Variants in HIVEP1 observed in about 807,000 individuals in gnomAD.
HIVEP1 encodes the protein HIVEP zinc finger 1.
Under a neutral mutation model 180.0 loss-of-function variants are expected in HIVEP1, and 36 were observed. The ratio of observed to expected loss-of-function variants is 0.20; its 90% CI spans 0.15 to 0.26. The LOEUF (loss-of-function observed/expected upper bound fraction) is 0.26. Among genes scored for constraint, HIVEP1 ranks in the 10% least tolerant of loss-of-function variants. The probability of loss-of-function intolerance (pLI) is 1.00; values close to 1 mark genes in which losing one functional copy is unlikely to be tolerated. For synonymous variants in HIVEP1, 1,239 were observed against 1,239.0 expected (o/e 1.00, Z 0.00); for missense variants, 3,143 against 3,268.7 (o/e 0.96, Z 0.94).
At chr6:12,115,538 G>A (rs1054979552) in intron 3 of HIVEP1, among the ~76,000 whole-genome samples, 2 of 151,794 alleles carry the variant, frequency 1.3e-5, no homozygotes, top group Admixed American at 6.6e-5. Context: ...ATATGAAGTC[G>A]TGTTTGGATT....
chr6:12,128,644 C>T lies in HIVEP1; in HGVS notation c.6076-1115C>T, dbSNP rs150666137. On this transcript the variant is annotated intron_variant, in intron 4 of 8. Transcript: ENST00000379388. ...TATATAGTCCACCTGTGCTGCCTGC[C>T]TCACAGGGACCTGAGAGAATGGAAT... Among the ~76,000 whole-genome samples the T allele has an allele frequency of 7.6e-3, 1,154 of 152,184 alleles. 12 individuals carry two copies. Among genetic ancestry groups the T allele is most frequent in the Non-Finnish European group, 0.012 (812 of 68,008 alleles).
intron 2 of HIVEP1, among the ~76,000 whole-genome samples, chr6:12,082,407 T>C (rs537710294): frequency 5.3e-5 from 8 of 152,290 alleles, no homozygotes; most frequent in Admixed American, 1.3e-4. Flanking sequence ...TGAAAAGCAC[T>C]CTGATAGGTA....
intron 2 of HIVEP1, among the ~76,000 whole-genome samples, chr6:12,074,257 A>T (rs79373093): frequency 0.15 from 22,801 of 152,118 alleles, 2,256 homozygotes; most frequent in Non-Finnish European, 0.22. Flanking sequence ...GATACCAGTG[A>T]TTTTTTCTTT....
chr6:12,039,045 G>A (rs377691985), intron 2 of HIVEP1: 1 of 152,234 alleles, frequency 6.6e-6, no homozygotes, highest in East Asian at 1.9e-4. Context: ...TCATGAACTA[G>A]CTATGTCCTT....
chr6:12,171,816 CAT>C, the HIVEP1 span, among the ~76,000 whole-genome samples: 1 of 152,110 alleles, frequency 6.6e-6, no homozygotes, highest in African/African-American at 2.4e-5. Context: ...TATGGAAGAA[CAT>C]AGTGATTTCT....
chr6:12,028,968 T>G (rs548977039), intron 2 of HIVEP1, among the ~76,000 whole-genome samples: 1 of 152,378 alleles, frequency 6.6e-6, no homozygotes, highest in Admixed American at 6.5e-5. Flanking sequence ...TATATAGTTT[T>G]TACATGTAGC....
chr6:12,203,574 G>A, the HIVEP1 span, among the ~76,000 whole-genome samples: 1 of 152,154 alleles, frequency 6.6e-6, no homozygotes, highest in African/African-American at 2.4e-5. Context: ...TCCCTGGCAA[G>A]CTATTGTTTT....
Position 12,123,624 on chromosome 6 carries a change from C to G in HIVEP1, c.3829C>G (p.Leu1277Val), listed in dbSNP as rs1233426937. 1 of 1,614,150 alleles carries G rather than the reference C, an allele frequency of 6.2e-7. No individual in the cohort carries two copies. The highest frequency in any genetic ancestry group is 1.1e-5 in the South Asian group (1 of 91,090). ...ETLSKLPTEK[L>V]PPKKKRLRLA... ...CTTGTCAAAATTGCCAACAGAGAAA[C>G]TGCCACCCAAAAAGAAAAGGCTCCG... is the stretch of plus-strand genomic sequence containing the variant. Residue 1277 changes from leucine (L) to valine (V), a missense_variant, in exon 4 of 9, where the codon CTG (leucine) becomes GTG (valine). Around this residue, in one of 12 missense-constraint regions of HIVEP1, gnomAD observed 1,357 missense variants for 1,260.5 expected, o/e 1.08. Coordinates refer to ENST00000379388, the MANE Select transcript of HIVEP1 (RefSeq NM_002114.4).
intron 3 of HIVEP1, among the ~76,000 whole-genome samples, chr6:12,102,082 G>C (rs1398887109): frequency 6.6e-6 from 1 of 152,078 alleles, no homozygotes; most frequent in Non-Finnish European, 1.5e-5. Flanking sequence ...CCTGATAATA[G>C]AGCCTTAAAA....
At chr6:12,010,607 ATT>A (rs113704481), upstream of HIVEP1, among the ~76,000 whole-genome samples, 13 of 145,464 alleles carry the variant, frequency 8.9e-5, no homozygotes, top group South Asian at 2.2e-4. Context: ...TTCATCAGGG[ATT>A]TTTTTTTTTT....
chr6:12,182,935 CAA>C, the HIVEP1 span, among the ~76,000 whole-genome samples: 1 of 152,078 alleles, frequency 6.6e-6, no homozygotes, highest in Admixed American at 6.6e-5. Context: ...CCCGGTGACT[CAA>C]GAAAGGATGC....
Position 12,136,685 on chromosome 6 carries a change from C to T in HIVEP1, c.6487+793C>T, listed in dbSNP as rs143053949. On this transcript the variant is annotated intron_variant, in intron 7 of 8. Coordinates refer to ENST00000379388, the MANE Select transcript of HIVEP1 (RefSeq NM_002114.4). Reference sequence around the variant, plus strand: ...GCAGCTCCATATTTGTGGAATAAAGCGTTTGTTTACTTCTCCAAAGTGTTT... The same window carrying T: ...GCAGCTCCATATTTGTGGAATAAAGTGTTTGTTTACTTCTCCAAAGTGTTT... Among the ~76,000 whole-genome samples the T allele has an allele frequency of 3.4e-3, 522 of 152,202 alleles. 4 individuals are homozygous for T. The highest frequency in any genetic ancestry group is 0.011 in the African/African-American group (477 of 41,538).
In HIVEP1 at chr6:12,120,656, T is replaced by A. The variant is rs777469954; in HGVS notation, c.861T>A (p.His287Gln). ...CAGCTTCTCATTTGTATCATCAACA[T>A]GAACACTTTGTTCCCAAATCCAACC... is the stretch of plus-strand genomic sequence containing the variant. ...MQSASHLYHQ[H>Q]EHFVPKSNQH... Residue 287 changes from histidine (H) to glutamine (Q), a missense_variant, in exon 4 of 9, where the codon CAT becomes CAA. This residue lies in a region of HIVEP1 where 306 missense variants were observed against 310.6 expected (regional missense o/e 0.99). Coordinates refer to ENST00000379388, the MANE Select transcript of HIVEP1 (RefSeq NM_002114.4). 3 of 1,614,232 alleles carry A rather than the reference T, an allele frequency of 1.9e-6. No homozygotes were observed. The highest frequency in any genetic ancestry group is 2.2e-5 in the South Asian group (2 of 91,086).
intron 7 of HIVEP1, among the ~76,000 whole-genome samples, chr6:12,140,891 G>A (rs1561993308): frequency 6.6e-6 from 1 of 152,188 alleles, no homozygotes; most frequent in Non-Finnish European, 1.5e-5. Flanking sequence ...ATCTACATTT[G>A]ATTGGTGTAC....
At chr6:12,033,253 A>G (rs1357861404) in intron 2 of HIVEP1, among the ~76,000 whole-genome samples, 2 of 152,112 alleles carry the variant, frequency 1.3e-5, no homozygotes, top group African/African-American at 2.4e-5. Flanking sequence ...TATTAAATGC[A>G]TTTGACTTAT....
chr6:12,203,905 C>T, the HIVEP1 span, among the ~76,000 whole-genome samples: 129,772 of 151,996 alleles, frequency 0.85, 56,401 homozygotes, highest in East Asian at 0.95. Context: ...GGAGAAACCC[C>T]GTCTCTACTT....
At chr6:12,055,170 A>T (rs757677574) in intron 2 of HIVEP1, among the ~76,000 whole-genome samples, 4 of 152,262 alleles carry the variant, frequency 2.6e-5, no homozygotes. Flanking sequence ...TCTAAACAGG[A>T]AAGAAAATTC....
intron 2 of HIVEP1, among the ~76,000 whole-genome samples, chr6:12,080,416 G>T (rs9394517): frequency 0.05 from 7,645 of 152,188 alleles, 205 homozygotes; most frequent in South Asian, 0.1. Context: ...AAGGGTGGTG[G>T]TCTCACAAGG....
the HIVEP1 span, among the ~76,000 whole-genome samples, chr6:12,202,623 C>T: frequency 1.1e-3 from 164 of 152,184 alleles, no homozygotes; most frequent in African/African-American, 3.6e-3. Flanking sequence ...TTTTTCCAGT[C>T]CTTTCATGAC....
Sources: allele counts gnomAD v4.1 joint callset (sites outside exome capture counted in the v4.1 genomes callset), GRCh38; gene constraint gnomAD v4.1.1; regional missense constraint gnomAD v4.1.1; transcripts MANE v1.5; gene names NCBI Gene and HGNC (gene_info 2026-07-23, HGNC 2026-07-21).